MCMDC2: variants seen among roughly 807,000 people sequenced by gnomAD.
MCMDC2 encodes the protein minichromosome maintenance domain containing 2.
A neutral mutation model predicts 75.8 loss-of-function variants in MCMDC2; 54 were observed. The ratio of observed to expected loss-of-function variants is 0.71; its 90% CI spans 0.57 to 0.89. MCMDC2 has a LOEUF of 0.89. MCMDC2 is among the 40% of genes least tolerant of loss of function. The pLI, the probability that MCMDC2 is intolerant of heterozygous loss-of-function variation, is 0.00. For missense variants in MCMDC2, 656 were observed against 780.4 expected, an observed-to-expected ratio of 0.84 and a Z score of 1.90; for synonymous variants, 249 against 274.6, an observed-to-expected ratio of 0.91 and a Z score of 0.92.
At chr8:66,902,787 A>G (rs1812759449) in intron 13 of MCMDC2, among the ~76,000 whole-genome samples, 1 of 148,456 alleles carries the variant, frequency 6.7e-6, no homozygotes, top group African/African-American at 2.5e-5. Context: ...GAGTTCAAAT[A>G]CAAAACATAT....
chr8:66,906,195 A>G (rs980304585), intron 14 of MCMDC2, among the ~76,000 whole-genome samples: 1 of 152,120 alleles, frequency 6.6e-6, no homozygotes, highest in Admixed American at 6.6e-5. Flanking sequence ...TATTCTCCCA[A>G]AGTTCTTGGT....
At chr8:66,874,732 AT>A in intron 4 of MCMDC2, 146 bp downstream of exon 4, 1 of 687,996 alleles carries the variant, frequency 1.5e-6, no homozygotes, top group South Asian at 2.2e-5. Context: ...AGGCATCTTT[AT>A]TTCTTGTATT....
intron 14 of MCMDC2, among the ~76,000 whole-genome samples, chr8:66,916,615 G>A (rs1813334080): frequency 6.6e-6 from 1 of 152,208 alleles, no homozygotes; most frequent in Admixed American, 6.5e-5. Flanking sequence ...GTGTGGCAGA[G>A]TGGTGCTGAG....
chr8:66,916,937 G>T (rs767056140), intron 14 of MCMDC2, among the ~76,000 whole-genome samples: 1 of 152,148 alleles, frequency 6.6e-6, no homozygotes, highest in African/African-American at 2.4e-5. Flanking sequence ...TGAATGTCAG[G>T]TATTAGGGGA....
At chr8:66,883,328 G>A (rs192515796) in intron 8 of MCMDC2, among the ~76,000 whole-genome samples, 5 of 152,244 alleles carry the variant, frequency 3.3e-5, no homozygotes, top group East Asian at 1.9e-4. Context: ...CAATGCAGGC[G>A]CTCTATGATC....
In MCMDC2 at chr8:66,905,268, C is replaced by G. The variant is rs536370765; in HGVS notation, c.1812C>G (p.Asn604Lys). Residue 604 changes from asparagine to lysine, a missense_variant, in exon 14 of 15, where the codon AAC becomes AAG. Transcript: ENST00000422365. The part of the protein sequence containing the change: ...SEAHARLNLR[N>K]KVLKEDVLIA... ...CCCATGCACGACTGAACTTAAGGAA[C>G]AAAGTGCTTAAAGAAGATGTGCTGA... 6.7e-7 allele frequency: 1 copy of G among 1,500,700 alleles called. No individual in the cohort carries two copies. The highest frequency in any genetic ancestry group is 8.9e-7 in the Non-Finnish European group (1 of 1,121,674). 93.0% of individuals were successfully genotyped at this position (1,500,700 alleles called of 1,614,324 possible). A position where few individuals can be genotyped will look rare whatever the true frequency, so the allele number is the denominator to read the frequency against.
chr8:66,909,789 A>T (rs1813034187), intron 14 of MCMDC2, among the ~76,000 whole-genome samples: 2 of 152,218 alleles, frequency 1.3e-5, no homozygotes, highest in African/African-American at 4.8e-5. Context: ...GCAGGGCAGA[A>T]ATTTGCATAA....
chr8:66,901,423 C>T (rs1455998449), intron 13 of MCMDC2, 75 bp downstream of exon 13: 39 of 1,530,556 alleles, frequency 2.5e-5, no homozygotes, highest in Non-Finnish European at 3.2e-5. Context: ...GCTAATTTAC[C>T]TATTTCACTT....
At chr8:66,883,521 C>T (rs546386005) in intron 8 of MCMDC2, among the ~76,000 whole-genome samples, 4 of 151,962 alleles carry the variant, frequency 2.6e-5, no homozygotes, top group African/African-American at 9.7e-5. Flanking sequence ...AGGCCAAGCA[C>T]GGTGGCTCAG....
intron 10 of MCMDC2, 152 bp downstream of exon 10, chr8:66,891,222 C>A: frequency 1.4e-6 from 1 of 723,914 alleles, no homozygotes; most frequent in South Asian, 2.1e-5. Flanking sequence ...ATAAGCTAAA[C>A]AGAAATTTAA....
chr8:66,874,028 A>G (rs1811151218), intron 1 of MCMDC2, 25 bp from the exon 2 acceptor site: 4 of 719,194 alleles, frequency 5.6e-6, no homozygotes, highest in Non-Finnish European at 8.3e-6. Context: ...GAGATTTTCA[A>G]AAATAAAATT....
chr8:66,902,418 G>C (rs1378667878), intron 13 of MCMDC2, among the ~76,000 whole-genome samples: 2 of 150,840 alleles, frequency 1.3e-5, no homozygotes, highest in Non-Finnish European at 3.0e-5. Context: ...GCCTGGCCTA[G>C]TGGCTCATGC....
intron 10 of MCMDC2, among the ~76,000 whole-genome samples, chr8:66,893,467 T>C (rs912293351): frequency 3.9e-5 from 6 of 152,204 alleles, no homozygotes; most frequent in Admixed American, 6.5e-5. Flanking sequence ...CAGTTCCACA[T>C]GGCTGAGGAG....
At chr8:66,888,035 T>C (rs942680670) in intron 9 of MCMDC2, among the ~76,000 whole-genome samples, 1 of 152,210 alleles carries the variant, frequency 6.6e-6, no homozygotes, top group African/African-American at 2.4e-5. Flanking sequence ...ATTTTAAAGA[T>C]TAAAAAAATT....
intron 14 of MCMDC2, among the ~76,000 whole-genome samples, chr8:66,912,960 C>CA (rs551221178): frequency 0.013 from 1,867 of 142,172 alleles, 35 homozygotes; most frequent in African/African-American, 0.036. Flanking sequence ...TAAAAATGAC[C>CA]AAAAAAAAAA....
intron 13 of MCMDC2, among the ~76,000 whole-genome samples, chr8:66,902,714 ATATATATAT>A (rs1812747808): frequency 2.0e-5 from 2 of 102,092 alleles, no homozygotes; most frequent in African/African-American, 7.7e-5. Context: ...AAAAAAAAAT[ATATATATAT>A]ATATATATAT....
intron 9 of MCMDC2, among the ~76,000 whole-genome samples, chr8:66,889,088 T>C (rs1811978629): frequency 6.6e-6 from 1 of 152,216 alleles, no homozygotes; most frequent in Non-Finnish European, 1.5e-5. Context: ...AGATATATTT[T>C]ATACCATCTA....
At chr8:66,924,816 C>T (rs1156511263), downstream of MCMDC2, among the ~76,000 whole-genome samples, 1 of 152,128 alleles carries the variant, frequency 6.6e-6, no homozygotes, top group Non-Finnish European at 1.5e-5. Flanking sequence ...CTCCAACCTC[C>T]ATGCCTTGAC....
chr8:66,895,260 A>G (rs1812294739), intron 10 of MCMDC2, among the ~76,000 whole-genome samples: 1 of 152,144 alleles, frequency 6.6e-6, no homozygotes, highest in Admixed American at 6.5e-5. Flanking sequence ...GGTTGGTTGA[A>G]TCTACAGATG....
Sources: allele counts gnomAD v4.1 joint callset (sites outside exome capture counted in the v4.1 genomes callset), GRCh38; gene constraint gnomAD v4.1.1; transcripts MANE v1.5; gene names NCBI Gene and HGNC (gene_info 2026-07-23, HGNC 2026-07-21).